Variants in GASK1A observed in about 807,000 individuals in gnomAD.
GASK1A encodes the protein Golgi-associated kinase 1A.
In GASK1A, 40 loss-of-function variants were observed where a neutral mutation model predicts 41.2. The observed-to-expected ratio is 0.97, with a 90% CI of 0.75 to 1.27. The LOEUF (loss-of-function observed/expected upper bound fraction) is 1.27, where lower values mean the gene tolerates loss of function less well. Ranked by LOEUF, GASK1A falls within the 50% of genes most tolerant of loss-of-function variation. The pLI is 0.00. For synonymous variants in GASK1A, 316 were observed against 307.1 expected (o/e 1.03, Z -0.30); for missense variants, 678 against 745.1 (o/e 0.91, Z 1.05).
chr3:42,990,669 A>C, intron 1 of GASK1A, among the ~76,000 whole-genome samples: 1 of 152,190 alleles, frequency 6.6e-6, no homozygotes, highest in East Asian at 1.9e-4. Context: ...ACTGCATCCC[A>C]GGTGTGAAGC....
chr3:43,044,297 C>G (rs1199892267), intron 2 of GASK1A, among the ~76,000 whole-genome samples: 1 of 152,178 alleles, frequency 6.6e-6, no homozygotes, highest in Non-Finnish European at 1.5e-5. Flanking sequence ...GCTCCAAACA[C>G]TAGGCTTGTG....
chr3:43,036,669 GGT>G (rs2089606263), intron 2 of GASK1A, among the ~76,000 whole-genome samples: 1 of 152,104 alleles, frequency 6.6e-6, no homozygotes. Context: ...AGGATCTGTG[GGT>G]CAATTGGATT....
At chr3:43,025,689 G>A (rs1201224632) in intron 1 of GASK1A, among the ~76,000 whole-genome samples, 1 of 152,168 alleles carries the variant, frequency 6.6e-6, no homozygotes, top group Non-Finnish European at 1.5e-5. Flanking sequence ...GAATTCTCAG[G>A]TCTGTTTGGG....
At chr3:42,991,710 G>A (rs2089341979) in intron 1 of GASK1A, among the ~76,000 whole-genome samples, 1 of 152,196 alleles carries the variant, frequency 6.6e-6, no homozygotes. Context: ...GGCTGTAACG[G>A]CCAGTGAATG....
In GASK1A at chr3:43,055,491, C is replaced by A; in HGVS notation, c.1473C>A (p.His491Gln). ...TCGATAACGCTGGCAACCTTCAGCACCCTGAGGACAAGCTGAACTTTCGGC... is the reference window on the plus strand; with the variant it reads ...TCGATAACGCTGGCAACCTTCAGCAACCTGAGGACAAGCTGAACTTTCGGC... ...VYIDNAGNLQ[H>Q]PEDKLNFRLL... The change falls in exon 4 of 5, where the codon CAC becomes CAA. Residue 491 changes from histidine (H) to glutamine (Q), a missense_variant. Coordinates refer to ENST00000430121, the MANE Select transcript of GASK1A (RefSeq NM_001129908.3). The A allele has an allele frequency of 1.3e-6, 2 of 1,552,012 alleles. No individual in the cohort carries two copies. Among genetic ancestry groups the A allele is most frequent in the Non-Finnish European group, 1.7e-6 (2 of 1,147,060 alleles).
intron 2 of GASK1A, among the ~76,000 whole-genome samples, chr3:43,046,710 A>C (rs564890147): frequency 1.3e-5 from 2 of 152,222 alleles, no homozygotes; most frequent in African/African-American, 4.8e-5. Context: ...AGAGGTCTTC[A>C]TGGCAACCAT....
chr3:43,033,658 G>C (rs2089591545), intron 2 of GASK1A, 105 bp downstream of exon 2: 1 of 1,139,118 alleles, frequency 8.8e-7, no homozygotes, highest in African/African-American at 1.6e-5. Context: ...TCTCCCCCAA[G>C]TCTTGGTTTT....
At position 43,032,369 on chromosome 3, in the gene GASK1A, C is replaced by T; in HGVS notation, c.106C>T (p.Gln36Ter). Residue 36 changes from glutamine (Q) to a stop codon, truncating the protein, a stop_gained, in exon 2 of 5, where the codon CAG becomes TAG. Coordinates refer to ENST00000430121, the MANE Select transcript of GASK1A (RefSeq NM_001129908.3). LOFTEE classifies it high-confidence loss of function. Reference protein sequence around the residue: ...SAMAVTRFPPQRPSAGPDPGP... With the variant: ...SAMAVTRFPP ...GATGGCTGTCACCCGCTTTCCCCCA[C>T]AGCGTCCATCCGCCGGCCCAGACCC... 2 of 1,551,652 alleles carry T rather than the reference C, an allele frequency of 1.3e-6. No individual in the cohort carries two copies. Among genetic ancestry groups the T allele is most frequent in the Non-Finnish European group, 1.7e-6 (2 of 1,146,942 alleles).
intron 1 of GASK1A, among the ~76,000 whole-genome samples, chr3:42,985,586 T>TGTGGGG (rs1237908326): frequency 7.9e-4 from 114 of 144,352 alleles, no homozygotes; most frequent in South Asian, 2.0e-3. Context: ...TGTGTGTGTG[T>TGTGGGG]GGGCGGAGGC....
intron 1 of GASK1A, among the ~76,000 whole-genome samples, chr3:43,004,286 C>T (rs541788656): frequency 3.3e-5 from 5 of 152,306 alleles, no homozygotes; most frequent in Middle Eastern, 3.4e-3. Context: ...GCCAAGGAGA[C>T]GTTTAGCTGC....
chr3:42,997,414 A>G (rs2089381408), intron 1 of GASK1A, among the ~76,000 whole-genome samples: 1 of 132,112 alleles, frequency 7.6e-6, no homozygotes, highest in Admixed American at 8.2e-5. Flanking sequence ...CTACTTTCAC[A>G]CGCATGAGAG....
At chr3:43,021,945 AAGAG>A (rs1276847712) in intron 1 of GASK1A, among the ~76,000 whole-genome samples, 1 of 152,174 alleles carries the variant, frequency 6.6e-6, no homozygotes, top group Non-Finnish European at 1.5e-5. Context: ...AGGAAGGAGA[AAGAG>A]AGTAGCTGTA....
chr3:43,032,407 G>A lies in GASK1A; in HGVS notation c.144G>A (p.Glu48=), dbSNP rs1336334233. 6.4e-7 allele frequency: 1 copy of A among 1,551,476 alleles called. No homozygotes were observed. Among genetic ancestry groups the A allele is most frequent in the Non-Finnish European group, 8.7e-7 (1 of 1,146,786 alleles). Residue 48 remains glutamate (E), a synonymous_variant, in exon 2 of 5, where the codon GAG becomes GAA. Coordinates refer to ENST00000430121, the MANE Select transcript of GASK1A (RefSeq NM_001129908.3). ...PSAGPDPGPM[E]PQGVTGAPAT... Reference sequence around the variant, plus strand: ...CCGGCCCAGACCCTGGTCCCATGGAGCCTCAGGGGGTAACTGGCGCCCCTG... The same window carrying A: ...CCGGCCCAGACCCTGGTCCCATGGAACCTCAGGGGGTAACTGGCGCCCCTG...
At chr3:43,002,419 A>C (rs1232367178) in intron 1 of GASK1A, among the ~76,000 whole-genome samples, 1 of 152,074 alleles carries the variant, frequency 6.6e-6, no homozygotes, top group Non-Finnish European at 1.5e-5. Flanking sequence ...CACAATTTTT[A>C]TGCTTGCTTT....
At chr3:43,055,737 G>A (rs2089712995) in intron 4 of GASK1A, 2 of 561,784 alleles carry the variant, frequency 3.6e-6, no homozygotes, top group Admixed American at 6.1e-5. Flanking sequence ...CCAATATCCA[G>A]AGGGCCTCGT....
intron 1 of GASK1A, among the ~76,000 whole-genome samples, chr3:43,016,757 G>T (rs940937121): frequency 6.6e-6 from 1 of 152,012 alleles, no homozygotes; most frequent in Non-Finnish European, 1.5e-5. Context: ...TCTGTGTGAA[G>T]CCACAGGAAG....
At chr3:42,985,933 A>C (rs1166178544) in intron 1 of GASK1A, among the ~76,000 whole-genome samples, 1 of 152,214 alleles carries the variant, frequency 6.6e-6, no homozygotes, top group Admixed American at 6.5e-5. Context: ...TAGTTTTTTA[A>C]AAGTTAAACA....
chr3:43,015,619 G>C (rs1275196966), intron 1 of GASK1A, among the ~76,000 whole-genome samples: 1 of 151,566 alleles, frequency 6.6e-6, no homozygotes, highest in Non-Finnish European at 1.5e-5. Context: ...GGAAGCGGGT[G>C]TGTGAAGTCA....
In GASK1A at chr3:43,011,944, G is replaced by A. The variant is rs1007047650; in HGVS notation, c.4-20323G>A. Among the ~76,000 whole-genome samples, 6 of 151,814 alleles carry A rather than the reference G, an allele frequency of 4.0e-5. No individual in the cohort carries two copies. In the South Asian group the frequency reaches 6.3e-4, roughly 16 times the overall value. On this transcript the variant is annotated intron_variant, in intron 1 of 4. Coordinates refer to ENST00000430121, the MANE Select transcript of GASK1A (RefSeq NM_001129908.3). The stretch of plus-strand genomic sequence containing the variant: ...AGGGCAGTGTGAAGTCACAGGAAGC[G>A]GCAGTGTGAAGCCAAAGGAAGGAGC...
Sources: gnomAD v4.1 joint callset for allele counts (sites outside exome capture counted in the v4.1 genomes callset) on GRCh38, gnomAD v4.1.1 for gene constraint, MANE v1.5 for transcripts, NCBI Gene and HGNC (gene_info 2026-07-23, HGNC 2026-07-21) for gene names.